The following MGAT5B variants were observed in gnomAD, a reference collection of about 807,000 sequenced individuals.
MGAT5B encodes alpha-1,6-mannosylglycoprotein 6-beta-N-acetylglucosaminyltransferase B, also known as N-acetylglucosaminyl-transferase Vb.
A neutral mutation model predicts 95.1 loss-of-function variants in MGAT5B; 54 were observed. That is an observed-to-expected ratio of 0.57 (90% confidence interval 0.46 to 0.71). The LOEUF is 0.71. MGAT5B is among the 30% of genes least tolerant of loss of function. The pLI is 0.00. For missense variants in MGAT5B, 935 were observed against 1,088.6 expected, an observed-to-expected ratio of 0.86 and a Z score of 1.99; for synonymous variants, 464 against 451.0, an observed-to-expected ratio of 1.03 and a Z score of -0.36.
At chr17:76,903,467 C>T in intron 5 of MGAT5B, 91 bp downstream of exon 5, 2 of 1,011,420 alleles carry the variant, frequency 2.0e-6, no homozygotes, top group East Asian at 2.9e-5. Context: ...CTGGCAGAGG[C>T]CAACCTCAGG....
chr17:76,894,437 C>T (rs1438656128), intron 3 of MGAT5B, among the ~76,000 whole-genome samples: 4 of 152,194 alleles, frequency 2.6e-5, no homozygotes, highest in South Asian at 2.1e-4. Flanking sequence ...AGCGAGTGCT[C>T]AATGCCTGTT....
chr17:76,903,027 G>C (rs1042197234), intron 4 of MGAT5B, among the ~76,000 whole-genome samples: 2 of 152,202 alleles, frequency 1.3e-5, no homozygotes, highest in Admixed American at 1.3e-4. Flanking sequence ...CTCAGAAAAC[G>C]CTGGGGATGC....
chr17:76,881,921 C>T (rs191042373), intron 2 of MGAT5B, among the ~76,000 whole-genome samples: 187 of 152,338 alleles, frequency 1.2e-3, no homozygotes, highest in Middle Eastern at 3.4e-3. Context: ...TAGTGGGCAA[C>T]GGGGCTGCCC....
At chr17:76,919,892 A>G (rs1221471900) in intron 8 of MGAT5B, among the ~76,000 whole-genome samples, 1 of 152,176 alleles carries the variant, frequency 6.6e-6, no homozygotes, top group Non-Finnish European at 1.5e-5. Flanking sequence ...CTCCATACCC[A>G]TTAAACAATA....
At position 76,950,165 on chromosome 17, in the gene MGAT5B, A is replaced by T. The variant is rs956508512; in HGVS notation, c.*1327A>T. Reference sequence around the variant, plus strand: ...ACCCTTCCCGGGAGGCAGCCCCGGGATGCTGAGAGTTGGTGGAGGGGCCAG... The same window carrying T: ...ACCCTTCCCGGGAGGCAGCCCCGGGTTGCTGAGAGTTGGTGGAGGGGCCAG... On this transcript the variant is annotated 3_prime_UTR_variant, in exon 18 of 18. Transcript: ENST00000569840. 3 of 152,502 alleles carry T rather than the reference A, an allele frequency of 2.0e-5. No individual in the cohort carries two copies. The highest frequency in any genetic ancestry group is 7.3e-5 in the African/African-American group (3 of 41,378). The allele number at this position is 152,502 out of a possible 1,614,324, so 9.4% of individuals were successfully genotyped here.
At chr17:76,881,589 C>T (rs182092694) in intron 2 of MGAT5B, among the ~76,000 whole-genome samples, 14 of 152,302 alleles carry the variant, frequency 9.2e-5, no homozygotes, top group Admixed American at 6.5e-4. Context: ...TGCAGATTCC[C>T]GGGCCCCGGG....
intron 17 of MGAT5B, 127 bp from the exon 18 acceptor site, chr17:76,948,513 A>G (rs1970105710): frequency 2.0e-6 from 2 of 998,230 alleles, no homozygotes; most frequent in Admixed American, 2.6e-5. Flanking sequence ...TTCCTTACCC[A>G]GGCTGGGATG....
In MGAT5B at chr17:76,882,233, G is replaced by C; in HGVS notation, c.264G>C (p.Leu88=). ...TGATGGTGAAGCGCATGGACGCACT[G>C]GCCAGGCTGGAGAACAGCAGTGAGC... ...LELMVKRMDA[L]ARLENSSELH... The change falls in exon 3 of 18, where the codon CTG becomes CTC. Residue 88 remains leucine, a synonymous_variant. Transcript: ENST00000569840. 6.2e-7 allele frequency: 1 copy of C among 1,613,680 alleles called. No homozygotes were observed. The highest frequency in any genetic ancestry group is 8.5e-7 in the Non-Finnish European group (1 of 1,179,954).
rs1431970750 is a variant in MGAT5B, at chr17:76,940,420, T to A, written c.1603T>A (p.Phe535Ile). Residue 535 changes from phenylalanine (F) to isoleucine (I), a missense_variant, in exon 14 of 18, where the codon TTC (phenylalanine) becomes ATC (isoleucine). Transcript: ENST00000569840. This position sits in a 1 kb window ranked among gnomAD's most constrained non-coding sequence, Gnocchi z 4.3. ...TCTGCAGCTCTTCATCGGGTTTGGC[T>A]TCCCCTACGAGGGCCCCGCCCCCCT... ...RKAKLFIGFG[F>I]PYEGPAPLEA... The A allele has an allele frequency of 6.2e-7, 1 of 1,609,706 alleles. No individual in the cohort carries two copies.
At chr17:76,890,213 C>T (rs1032449194) in intron 3 of MGAT5B, among the ~76,000 whole-genome samples, 5 of 152,210 alleles carry the variant, frequency 3.3e-5, no homozygotes, top group Non-Finnish European at 5.9e-5. Context: ...TCCCTCTGAG[C>T]CATTGAAACC....
chr17:76,942,533 A>T (rs72887788), intron 15 of MGAT5B, among the ~76,000 whole-genome samples: 50,657 of 151,770 alleles, frequency 0.33, 8,662 homozygotes, highest in East Asian at 0.4. Flanking sequence ...TCTCAAAAAA[A>T]TTTTAAAAAG....
intron 1 of MGAT5B, among the ~76,000 whole-genome samples, chr17:76,871,112 T>A (rs1966995556): frequency 6.6e-6 from 1 of 152,022 alleles, no homozygotes; most frequent in Admixed American, 6.6e-5. Flanking sequence ...ACTCCTTCAC[T>A]CCCCTGGCCT....
At position 76,905,997 on chromosome 17, in the gene MGAT5B, C is replaced by G; in HGVS notation, c.856-21C>G. 1.3e-6 allele frequency: 2 copies of G among 1,584,822 alleles called. No individual in the cohort carries two copies. Among genetic ancestry groups the G allele is most frequent in the Non-Finnish European group, 1.7e-6 (2 of 1,167,956 alleles). On this transcript the variant is annotated intron_variant, in intron 7 of 17. Coordinates refer to ENST00000569840, the MANE Select transcript of MGAT5B (RefSeq NM_001199172.2). The surrounding 1 kb of genome is among the most constrained non-coding windows in gnomAD (Gnocchi z 4.2). The stretch of plus-strand genomic sequence containing the variant: ...GAGCTGCTGCTCCTCTCTGCTGACC[C>G]TCTGTGTTCCGCCCACCCAGATCCT...
chr17:76,873,975 G>A (rs1967093494), intron 2 of MGAT5B, among the ~76,000 whole-genome samples: 1 of 152,150 alleles, frequency 6.6e-6, no homozygotes. Flanking sequence ...TGTCATCTGG[G>A]TGGGTGCTGA....
At chr17:76,896,104 G>C (rs1437932118) in intron 3 of MGAT5B, among the ~76,000 whole-genome samples, 1 of 152,184 alleles carries the variant, frequency 6.6e-6, no homozygotes, top group Non-Finnish European at 1.5e-5. Context: ...GAAGGCCATT[G>C]GCCACCATCC....
intron 16 of MGAT5B, among the ~76,000 whole-genome samples, 157 bp downstream of exon 16, chr17:76,946,607 G>A (rs1049545899): frequency 2.6e-5 from 4 of 152,322 alleles, no homozygotes; most frequent in Non-Finnish European, 5.9e-5. Context: ...GTTCCCTCAG[G>A]GCTGGAGACA....
rs1969737541 is a variant in MGAT5B, at chr17:76,938,167, T to TTC, written c.1584+27_1584+28dup. On this transcript the variant is annotated intron_variant, in intron 13 of 17. Transcript: ENST00000569840. This position sits in a 1 kb window ranked among gnomAD's most constrained non-coding sequence, Gnocchi z 4.3. ...AAGTGAGCTCCCATCCCCCGCACCA[T>TTC]TCTCACACTTGCCGGCTGCAGACAC... is the stretch of plus-strand genomic sequence containing the variant. 5 of 1,610,126 alleles carry TTC rather than the reference T, an allele frequency of 3.1e-6. No individual in the cohort carries two copies. The highest frequency in any genetic ancestry group is 2.7e-5 in the African/African-American group (2 of 74,866).
chr17:76,940,468 A>G lies in MGAT5B; in HGVS notation c.1651A>G (p.Ile551Val). 6.2e-7 allele frequency: 1 copy of G among 1,613,940 alleles called. No individual in the cohort carries two copies. Among genetic ancestry groups the G allele is most frequent in the South Asian group, 1.1e-5 (1 of 91,048 alleles). The change falls in exon 14 of 18, where the codon ATC (isoleucine) becomes GTC (valine). Residue 551 changes from isoleucine to valine, a missense_variant. This residue lies in a region of MGAT5B where 440 missense variants were observed against 523.6 expected (regional missense o/e 0.84). Transcript: ENST00000569840. The surrounding 1 kb of genome is among the most constrained non-coding windows in gnomAD (Gnocchi z 4.3). ...CCTGGAGGCCATCGCCAATGGTTGC[A>G]TCTTCCTGCAGTCCCGCTTCAGCCC... ...APLEAIANGC[I>V]FLQSRFSPPH...
rs554172448 is a variant in MGAT5B, at chr17:76,916,410, G to T, written c.1026-8556G>T. ...GGCCTGGCCTGTGTTGGGGAGGGCT[G>T]CAAGGGAAGACTCATGGAAATGACG... On this transcript the variant is annotated intron_variant, in intron 8 of 17. Coordinates refer to ENST00000569840, the MANE Select transcript of MGAT5B (RefSeq NM_001199172.2). This position sits in a 1 kb window ranked among gnomAD's most constrained non-coding sequence, Gnocchi z 5.3. Among the ~76,000 whole-genome samples, 1 of 152,256 alleles carries T rather than the reference G, an allele frequency of 6.6e-6. No individual in the cohort carries two copies. Among genetic ancestry groups the T allele is most frequent in the African/African-American group, 2.4e-5 (1 of 41,478 alleles).
Sources: gnomAD v4.1 joint callset for allele counts (sites outside exome capture counted in the v4.1 genomes callset) on GRCh38, gnomAD v4.1.1 for gene constraint, gnomAD v4.1.1 regional missense constraint, Gnocchi (gnomAD v3.1) non-coding constraint, MANE v1.5 for transcripts, NCBI Gene and HGNC (gene_info 2026-07-23, HGNC 2026-07-21) for gene names.